The following CCDC88A variants were observed in gnomAD, a reference collection of about 807,000 sequenced individuals.
CCDC88A encodes girdin.
In CCDC88A, 54 loss-of-function variants were observed where a neutral mutation model predicts 234.3. That is an observed-to-expected ratio of 0.23 (90% confidence interval 0.19 to 0.29). CCDC88A has a LOEUF of 0.29. Ranked by LOEUF, CCDC88A falls within the 10% of genes least tolerant of loss-of-function variation. The pLI is 1.00. For missense variants in CCDC88A, 1,832 were observed against 2,123.4 expected, an observed-to-expected ratio of 0.86 and a Z score of 2.70; for synonymous variants, 753 against 737.8, an observed-to-expected ratio of 1.02 and a Z score of -0.33.
At chr2:55,365,722 T>G (rs920657804) in intron 5 of CCDC88A, among the ~76,000 whole-genome samples, 1 of 152,200 alleles carries the variant, frequency 6.6e-6, no homozygotes, top group African/African-American at 2.4e-5. Context: ...ATAAACAGGT[T>G]GGGCTTCCCT....
intron 2 of CCDC88A, among the ~76,000 whole-genome samples, chr2:55,396,347 T>C (rs1429649224): frequency 6.6e-6 from 1 of 152,208 alleles, no homozygotes; most frequent in Middle Eastern, 3.2e-3. Context: ...TATTTCTATT[T>C]TCTTTATTCT....
At chr2:55,367,525 C>CTTTTTTTTTTTTTTTTTTTTTTTT (rs1262914627) in intron 5 of CCDC88A, among the ~76,000 whole-genome samples, 5 of 33,588 alleles carry the variant, frequency 1.5e-4, no homozygotes, top group African/African-American at 2.4e-4. Flanking sequence ...GTTTTATTTC[C>CTTTTTTTTTTTTTTTTTTTTTTTT]TTGTTTTTTT....
chr2:55,407,476 G>A (rs1465057395), intron 2 of CCDC88A, among the ~76,000 whole-genome samples: 1 of 151,408 alleles, frequency 6.6e-6, no homozygotes, highest in African/African-American at 2.4e-5. Context: ...ATGGTGGTGG[G>A]TGCCTATAAT....
chr2:55,404,212 C>G (rs1679185322), intron 2 of CCDC88A: 1 of 152,196 alleles, frequency 6.6e-6, no homozygotes, highest in African/African-American at 2.4e-5. Flanking sequence ...TCCCAAAGAA[C>G]AATGTCTTCT....
At chr2:55,404,426 C>G (rs1679214548) in intron 2 of CCDC88A, 1 of 151,970 alleles carries the variant, frequency 6.6e-6, no homozygotes, top group Non-Finnish European at 1.5e-5. Context: ...TTTCAGTGTA[C>G]CAGAAAAGTG....
At chr2:55,318,447 T>C (rs558204828) in intron 19 of CCDC88A, among the ~76,000 whole-genome samples, 12 of 152,226 alleles carry the variant, frequency 7.9e-5, no homozygotes, top group Admixed American at 2.6e-4. Flanking sequence ...GATGGATCCT[T>C]TGAACTTAGG....
intron 2 of CCDC88A, among the ~76,000 whole-genome samples, chr2:55,399,436 G>A (rs1045096003): frequency 1.9e-4 from 29 of 151,072 alleles, no homozygotes. Context: ...GGCTGAGGCA[G>A]AGAATTGCTT....
At position 55,337,839 on chromosome 2, in the gene CCDC88A, C is replaced by T. The variant is rs1290594899; in HGVS notation, c.1519-1021G>A. On this transcript the variant is annotated intron_variant, in intron 13 of 32. Transcript: ENST00000436346. ...TGGGTGATATAGTGAGACCCTAGCTCGAAATACTACTACCAATAATAATGA... is the reference window on the plus strand; with the variant it reads ...TGGGTGATATAGTGAGACCCTAGCTTGAAATACTACTACCAATAATAATGA... Among the ~76,000 whole-genome samples the T allele has an allele frequency of 2.6e-5, 4 of 151,540 alleles. No homozygotes were observed. In the South Asian group the frequency reaches 6.3e-4, roughly 24 times the overall value.
At chr2:55,353,690 T>C (rs1425694830) in intron 8 of CCDC88A, among the ~76,000 whole-genome samples, 2 of 150,214 alleles carry the variant, frequency 1.3e-5, no homozygotes, top group Non-Finnish European at 3.0e-5. Context: ...CAAAAATCCT[T>C]TGTTCTTTTA....
rs1338801186 is a variant in CCDC88A at position 55,288,451 on chromosome 2, G to C, written c.*2749C>G. On this transcript the variant is annotated 3_prime_UTR_variant, in exon 33 of 33. Transcript: ENST00000436346. ...ATTATTACTCCCCATTGTAATTCCA[G>C]ATTTGGTACAGTATCTTTTTCATTT... 1 of 152,636 alleles carries C rather than the reference G, an allele frequency of 6.6e-6. No individual in the cohort carries two copies. Among genetic ancestry groups the C allele is most frequent in the African/African-American group, 2.4e-5 (1 of 41,444 alleles). 9.5% of individuals were successfully genotyped at this position (152,636 alleles called of 1,614,324 possible).
At chr2:55,305,872 A>AC (rs1396739954) in intron 25 of CCDC88A, among the ~76,000 whole-genome samples, 1 of 151,110 alleles carries the variant, frequency 6.6e-6, no homozygotes, top group Non-Finnish European at 1.5e-5. Context: ...TAAAAAAAAA[A>AC]CTTCCTTTAA....
intron 2 of CCDC88A, chr2:55,404,559 T>G (rs923600009): frequency 2.6e-5 from 4 of 151,778 alleles, no homozygotes; most frequent in Admixed American, 6.6e-5. Flanking sequence ...AAAAGTAAAA[T>G]AGAAGACAAA....
rs1296412738 is a variant in CCDC88A at position 55,384,571 on chromosome 2, G to T, written c.273+4207C>A. Among the ~76,000 whole-genome samples the T allele has an allele frequency of 3.4e-5, 3 of 87,512 alleles. 1 individual carries two copies. Among genetic ancestry groups the T allele is most frequent in the Non-Finnish European group, 6.7e-5 (3 of 44,534 alleles). 57.4% of individuals were successfully genotyped at this position (87,512 alleles called of 152,430 possible). A position where few individuals can be genotyped will look rare whatever the true frequency, so the allele number is the denominator to read the frequency against. On this transcript the variant is annotated intron_variant, in intron 3 of 32. Coordinates refer to ENST00000436346, the MANE Select transcript of CCDC88A (RefSeq NM_001365480.1). ...TATGTGTATATATACACATATATAC[G>T]TATATATGTGTATATATACACATAT...
intron 2 of CCDC88A, among the ~76,000 whole-genome samples, chr2:55,401,993 C>A (rs1284356300): frequency 2.1e-5 from 1 of 46,956 alleles, no homozygotes; most frequent in Non-Finnish European, 7.8e-5. Flanking sequence ...GCTGAACCCA[C>A]CCTTTATTTC....
At chr2:55,353,124 A>G (rs892673808) in intron 8 of CCDC88A, among the ~76,000 whole-genome samples, 4 of 152,216 alleles carry the variant, frequency 2.6e-5, no homozygotes, top group African/African-American at 9.6e-5. Flanking sequence ...ACATTTTCTA[A>G]TCAGTATTAG....
chr2:55,349,434 G>C (rs540092111), intron 9 of CCDC88A, 84 bp downstream of exon 9: 3 of 961,148 alleles, frequency 3.1e-6, no homozygotes, highest in Non-Finnish European at 4.9e-6. Flanking sequence ...ATAAAGCATT[G>C]AAGTAAAGGT....
intron 9 of CCDC88A, 53 bp from the exon 10 acceptor site, chr2:55,346,386 A>G: frequency 9.8e-7 from 1 of 1,017,004 alleles, no homozygotes; most frequent in Non-Finnish European, 1.4e-6. Context: ...TCAACTTGTT[A>G]TTCTTTGTTG....
At chr2:55,337,188 A>G (rs1667904976) in intron 13 of CCDC88A, 1 of 165,342 alleles carries the variant, frequency 6.0e-6, no homozygotes. Flanking sequence ...AATTTCAGTG[A>G]GCAAGAAGGC....
At chr2:55,361,503 A>T (rs1012354685) in intron 7 of CCDC88A, among the ~76,000 whole-genome samples, 5 of 152,248 alleles carry the variant, frequency 3.3e-5, no homozygotes, top group Admixed American at 2.6e-4. Context: ...GAGAGACAAG[A>T]AAGTTTTATT....
Sources: gnomAD v4.1 joint callset for allele counts (sites outside exome capture counted in the v4.1 genomes callset) on GRCh38, gnomAD v4.1.1 for gene constraint, MANE v1.5 for transcripts, NCBI Gene and HGNC (gene_info 2026-07-23, HGNC 2026-07-21) for gene names.